Variants in RALA observed in about 807,000 individuals in gnomAD.
RALA encodes the protein ras-related protein Ral-A.
RALA carries 5 observed loss-of-function variants against 24.0 expected under a neutral mutation model. The observed-to-expected ratio is 0.21, with a 90% CI of 0.11 to 0.44. RALA has a LOEUF of 0.44. Among genes scored for constraint, RALA ranks in the 20% least tolerant of loss-of-function variants. RALA has a pLI of 0.99. For missense variants in RALA, 95 were observed against 241.2 expected (o/e 0.39, Z 4.01); for synonymous variants, 77 against 83.8 (o/e 0.92, Z 0.44).
At chr7:39,648,370 T>C (rs942338839) in intron 1 of RALA, among the ~76,000 whole-genome samples, 2 of 152,144 alleles carry the variant, frequency 1.3e-5, no homozygotes, top group African/African-American at 2.4e-5. Flanking sequence ...AAGGAGTTAA[T>C]ATATACAGTT....
At chr7:39,683,815 A>C (rs1401424677) in intron 1 of RALA, among the ~76,000 whole-genome samples, 1 of 150,626 alleles carries the variant, frequency 6.6e-6, no homozygotes, top group Non-Finnish European at 1.5e-5. Flanking sequence ...ACCCAGTTGT[A>C]GTGACTGCTA....
chr7:39,662,542 A>G (rs1484177428), intron 1 of RALA, among the ~76,000 whole-genome samples: 1 of 152,152 alleles, frequency 6.6e-6, no homozygotes, highest in Non-Finnish European at 1.5e-5. Flanking sequence ...ACAGATCTCT[A>G]GTTCAGGGGC....
chr7:39,703,670 GTAT>G (rs1248783559), intron 4 of RALA, among the ~76,000 whole-genome samples: 5 of 152,142 alleles, frequency 3.3e-5, no homozygotes, highest in Admixed American at 1.3e-4. Flanking sequence ...TAGGAAATAG[GTAT>G]TATTAAAAGA....
At chr7:39,661,811 T>G (rs1287025951) in intron 1 of RALA, among the ~76,000 whole-genome samples, 6 of 152,220 alleles carry the variant, frequency 3.9e-5, no homozygotes, top group Non-Finnish European at 5.9e-5. Context: ...CACTAGACAG[T>G]GTCCCAGTGG....
intron 1 of RALA, among the ~76,000 whole-genome samples, chr7:39,659,176 G>A (rs985845855): frequency 1.3e-5 from 2 of 152,072 alleles, no homozygotes; most frequent in African/African-American, 4.8e-5. Context: ...GGATGAAATG[G>A]TCTGAGGCAG....
chr7:39,696,656 A>G (rs1583757744), intron 3 of RALA, 29 bp from the exon 4 acceptor site: 1 of 1,535,656 alleles, frequency 6.5e-7, no homozygotes, highest in Non-Finnish European at 8.9e-7. Flanking sequence ...TATAATGTTA[A>G]TATTTCTTTT....
chr7:39,701,459 C>T (rs1301931996), intron 4 of RALA, among the ~76,000 whole-genome samples: 2 of 152,084 alleles, frequency 1.3e-5, no homozygotes, highest in South Asian at 2.1e-4. Flanking sequence ...TGCAGTGAGC[C>T]GAGATCATAA....
At chr7:39,700,600 C>T (rs1793010389) in intron 4 of RALA, 1 of 151,984 alleles carries the variant, frequency 6.6e-6, no homozygotes, top group Admixed American at 6.5e-5. Flanking sequence ...CTACCTCATT[C>T]TACAGGTTGG....
At position 39,673,187 on chromosome 7, in the gene RALA, C is replaced by CA. The variant is rs563006962; in HGVS notation, c.-37-13436dup. Among the ~76,000 whole-genome samples, 165 of 150,564 alleles carry CA rather than the reference C, an allele frequency of 1.1e-3. No individual in the cohort carries two copies. In the East Asian group the frequency reaches 0.021, roughly 19 times the overall value. ...TGGGCGACAGAGCGAGACTCTGTCT[C>CA]AAAAAAAAGAGAGAAATTATCTTCA... On this transcript the variant is annotated intron_variant, in intron 1 of 4. Coordinates refer to ENST00000005257, the MANE Select transcript of RALA (RefSeq NM_005402.4).
chr7:39,623,597 G>T lies in RALA; in HGVS notation c.-266G>T. Reference sequence around the variant, plus strand: ...GTGGCGGCTGCTGCAGAGCCGCCAGGAGGAGGGTGGATCTCCCCAGAGCAA... The same window carrying T: ...GTGGCGGCTGCTGCAGAGCCGCCAGTAGGAGGGTGGATCTCCCCAGAGCAA... On this transcript the variant is annotated 5_prime_UTR_variant, in exon 1 of 5. Transcript: ENST00000005257. The surrounding 1 kb of genome is among the most constrained non-coding windows in gnomAD (Gnocchi z 4.9). 1 of 152,838 alleles carries T rather than the reference G, an allele frequency of 6.5e-6. No individual in the cohort carries two copies. The highest frequency in any genetic ancestry group is 1.9e-4 in the South Asian group (1 of 5,168). 9.5% of individuals were successfully genotyped at this position (152,838 alleles called of 1,614,324 possible).
At chr7:39,691,980 T>A (rs1392861808) in intron 3 of RALA, among the ~76,000 whole-genome samples, 1 of 152,184 alleles carries the variant, frequency 6.6e-6, no homozygotes, top group Non-Finnish European at 1.5e-5. Context: ...CATGCAAGAA[T>A]CTTGGGCTAT....
chr7:39,691,846 G>A (rs1439996893), intron 3 of RALA, among the ~76,000 whole-genome samples: 3 of 152,172 alleles, frequency 2.0e-5, no homozygotes, highest in Non-Finnish European at 4.4e-5. Flanking sequence ...AAATGCCAAT[G>A]CTTATTCATT....
chr7:39,624,313 T>TTG (rs1562603650), intron 1 of RALA: 2 of 150,560 alleles, frequency 1.3e-5, no homozygotes, highest in Admixed American at 6.6e-5. Flanking sequence ...TGTTTGTGTT[T>TTG]TTTTTTTTTT....
intron 1 of RALA, among the ~76,000 whole-genome samples, chr7:39,665,179 C>T (rs1334018440): frequency 6.6e-6 from 1 of 152,088 alleles, no homozygotes; most frequent in African/African-American, 2.4e-5. Flanking sequence ...TCCTCTGCTA[C>T]CCCTGAGACA....
At chr7:39,634,526 C>T (rs1181073814) in intron 1 of RALA, among the ~76,000 whole-genome samples, 1 of 152,170 alleles carries the variant, frequency 6.6e-6, no homozygotes, top group Non-Finnish European at 1.5e-5. Flanking sequence ...TGTCTTCCAT[C>T]ATCTTTCTGC....
At chr7:39,637,957 T>C (rs544272431) in intron 1 of RALA, among the ~76,000 whole-genome samples, 29 of 152,380 alleles carry the variant, frequency 1.9e-4, no homozygotes, top group African/African-American at 6.2e-4. Context: ...GGCATTCTCC[T>C]GCATAATACT....
rs1203827172 is a variant in RALA, at chr7:39,706,678, C to G, written c.*433C>G. On this transcript the variant is annotated 3_prime_UTR_variant, in exon 5 of 5. Transcript: ENST00000005257. ...ATTGTGAACATGATAGTTAAACTACCACTTTTTTTAACCATTATTATGCAA... is the reference window on the plus strand; with the variant it reads ...ATTGTGAACATGATAGTTAAACTACGACTTTTTTTAACCATTATTATGCAA... 6.6e-6 allele frequency: 1 copy of G among 152,612 alleles called. No individual in the cohort carries two copies. 9.5% of individuals were successfully genotyped at this position (152,612 alleles called of 1,614,324 possible).
chr7:39,684,726 AAAG>A (rs1179061651), intron 1 of RALA, among the ~76,000 whole-genome samples: 5 of 151,762 alleles, frequency 3.3e-5, no homozygotes, highest in Non-Finnish European at 5.9e-5. Context: ...AAAAAAAAAA[AAAG>A]AAAAAAAAAA....
chr7:39,642,101 C>G (rs912628946), intron 1 of RALA, among the ~76,000 whole-genome samples: 7 of 152,138 alleles, frequency 4.6e-5, no homozygotes, highest in African/African-American at 1.7e-4. Context: ...ATCTTAGTTC[C>G]TCAGTTGGGA....
Sources: allele counts gnomAD v4.1 joint callset (sites outside exome capture counted in the v4.1 genomes callset), GRCh38; gene constraint gnomAD v4.1.1; non-coding constraint Gnocchi (gnomAD v3.1); transcripts MANE v1.5; gene names NCBI Gene and HGNC (gene_info 2026-07-23, HGNC 2026-07-21).